Variants in CNTNAP2 observed in about 807,000 individuals in gnomAD.
The protein encoded by CNTNAP2 is contactin-associated protein-like 2.
A neutral mutation model predicts 155.2 loss-of-function variants in CNTNAP2; 98 were observed. The observed-to-expected ratio is 0.63, with a 90% CI of 0.54 to 0.75. The LOEUF (loss-of-function observed/expected upper bound fraction) is 0.75. Among genes scored for constraint, CNTNAP2 ranks in the 30% least tolerant of loss-of-function variants. The probability of loss-of-function intolerance (pLI) is 0.00; values close to 1 mark genes in which losing one functional copy is unlikely to be tolerated. For missense variants in CNTNAP2, 1,727 were observed against 1,688.1 expected (o/e 1.02, Z -0.40); for synonymous variants, 651 against 631.2 (o/e 1.03, Z -0.47).
intron 10 of CNTNAP2, among the ~76,000 whole-genome samples, chr7:147,466,877 C>G (rs1439338309): frequency 6.6e-6 from 1 of 152,164 alleles, no homozygotes; most frequent in Non-Finnish European, 1.5e-5. Flanking sequence ...CAAGATCATG[C>G]CATTGCTCTC....
chr7:147,221,603 A>C (rs1019595132), intron 8 of CNTNAP2, among the ~76,000 whole-genome samples: 1 of 152,194 alleles, frequency 6.6e-6, no homozygotes, highest in African/African-American at 2.4e-5. Context: ...GGCTCTTGTC[A>C]AGGCAGGGTG....
intron 11 of CNTNAP2, among the ~76,000 whole-genome samples, chr7:147,550,065 A>G (rs1200015700): frequency 6.6e-6 from 1 of 152,226 alleles, no homozygotes; most frequent in African/African-American, 2.4e-5. Flanking sequence ...TGAGTACTGC[A>G]GATCCTTAGC....
intron 13 of CNTNAP2, among the ~76,000 whole-genome samples, chr7:147,873,845 A>C (rs750493935): frequency 6.6e-6 from 1 of 152,180 alleles, no homozygotes; most frequent in Non-Finnish European, 1.5e-5. Flanking sequence ...AGATTCAAGG[A>C]GGGTATAGGC....
intron 1 of CNTNAP2, among the ~76,000 whole-genome samples, chr7:146,404,351 C>T (rs7781888): frequency 0.012 from 1,787 of 152,180 alleles, 42 homozygotes; most frequent in African/African-American, 0.041. Flanking sequence ...GGGCCGCAAA[C>T]CATGGCCTGG....
At chr7:148,239,096 A>G (rs1034914140) in intron 20 of CNTNAP2, among the ~76,000 whole-genome samples, 2 of 152,168 alleles carry the variant, frequency 1.3e-5, no homozygotes, top group Non-Finnish European at 2.9e-5. Context: ...TTTAGTTTTT[A>G]TCTACTCTGG....
chr7:148,062,964 T>C (rs1739611971), intron 15 of CNTNAP2, among the ~76,000 whole-genome samples: 2 of 152,018 alleles, frequency 1.3e-5, no homozygotes, highest in Admixed American at 1.3e-4. Context: ...TGGAGATAAT[T>C]ATAGGTAGCA....
rs142174543 is a variant in CNTNAP2, at chr7:146,761,044, T to A, written c.98-13227T>A. 3.2e-3 allele frequency among the ~76,000 whole-genome samples: 483 copies of A among 152,248 alleles called. 5 individuals carry two copies. Among genetic ancestry groups the A allele is most frequent in the African/African-American group, 0.011 (449 of 41,552 alleles). On this transcript the variant is annotated intron_variant, in intron 1 of 23. Coordinates refer to ENST00000361727, the MANE Select transcript of CNTNAP2 (RefSeq NM_014141.6). ...AAACAGGGTCAAATGAATAAGATTA[T>A]TCAGTTTGCCCTCGGCATTCCTTTT...
chr7:147,981,309 A>G (rs1801525332), intron 15 of CNTNAP2, among the ~76,000 whole-genome samples: 1 of 152,220 alleles, frequency 6.6e-6, no homozygotes, highest in African/African-American at 2.4e-5. Context: ...TTTGGGTTTT[A>G]TCCCACCACT....
At chr7:146,661,731 TC>T (rs1348276112) in intron 1 of CNTNAP2, among the ~76,000 whole-genome samples, 8 of 54,414 alleles carry the variant, frequency 1.5e-4, no homozygotes, top group African/African-American at 4.6e-4. Flanking sequence ...TTTCTTTCTT[TC>T]TTTTTTTTTT....
chr7:147,966,626 G>A (rs545943412), intron 14 of CNTNAP2, among the ~76,000 whole-genome samples: 1 of 152,188 alleles, frequency 6.6e-6, no homozygotes, highest in South Asian at 2.1e-4. Flanking sequence ...GGTGACATAA[G>A]AGAAGCCCAA....
At chr7:147,645,561 T>C (rs2041125459) in intron 13 of CNTNAP2, among the ~76,000 whole-genome samples, 1 of 152,188 alleles carries the variant, frequency 6.6e-6, no homozygotes, top group South Asian at 2.1e-4. Context: ...CTCAGACAAC[T>C]AGCATCTGCA....
chr7:146,251,247 CT>C (rs1468433088), intron 1 of CNTNAP2, among the ~76,000 whole-genome samples: 1 of 152,028 alleles, frequency 6.6e-6, no homozygotes, highest in Non-Finnish European at 1.5e-5. Flanking sequence ...GAAACTTTAG[CT>C]TTTAAAAGGT....
intron 1 of CNTNAP2, among the ~76,000 whole-genome samples, chr7:146,357,433 A>G (rs1047285898): frequency 3.3e-5 from 5 of 152,086 alleles, no homozygotes; most frequent in African/African-American, 1.2e-4. Context: ...CATATAATCT[A>G]TAAGATCATA....
At chr7:148,194,786 T>C (rs144635964) in intron 18 of CNTNAP2, among the ~76,000 whole-genome samples, 1 of 152,304 alleles carries the variant, frequency 6.6e-6, no homozygotes, top group Non-Finnish European at 1.5e-5. Context: ...TTCCTTCACC[T>C]TTTTGTTCCA....
At chr7:148,364,931 G>A (rs1268932156) in intron 21 of CNTNAP2, among the ~76,000 whole-genome samples, 4 of 152,182 alleles carry the variant, frequency 2.6e-5, no homozygotes, top group Admixed American at 6.5e-5. Context: ...GCGAAGGTCT[G>A]CAGCTTCACT....
intron 15 of CNTNAP2, among the ~76,000 whole-genome samples, chr7:148,091,021 G>A (rs1400292142): frequency 7.2e-5 from 11 of 152,106 alleles, no homozygotes; most frequent in Admixed American, 5.9e-4. Context: ...TAAAAAAGTT[G>A]AAGTAATTGG....
At chr7:146,364,161 T>A (rs1377130277) in intron 1 of CNTNAP2, among the ~76,000 whole-genome samples, 3 of 152,230 alleles carry the variant, frequency 2.0e-5, no homozygotes, top group Non-Finnish European at 2.9e-5. Context: ...TATTATTTTT[T>A]AAATTTTTAA....
intron 8 of CNTNAP2, among the ~76,000 whole-genome samples, chr7:147,286,995 GA>G (rs904428462): frequency 1.2e-4 from 18 of 151,116 alleles, no homozygotes; most frequent in African/African-American, 3.6e-4. Flanking sequence ...CTTTGTTAAA[GA>G]AAAAAAAATA....
rs534584041 is a variant in CNTNAP2, at chr7:147,414,858, G to C, written c.1670+19078G>C. Among the ~76,000 whole-genome samples the C allele has an allele frequency of 7.6e-5, 11 of 145,688 alleles. No homozygotes were observed. In the South Asian group the frequency reaches 2.4e-3, roughly 32 times the overall value. ...CGGGAGGCTGAGGCAGGAGAATGGC[G>C]TGAACCTTGGGGGGTGGAGCCTGCA... is the stretch of plus-strand genomic sequence containing the variant. On this transcript the variant is annotated intron_variant, in intron 10 of 23. Transcript: ENST00000361727.
Sources: allele counts gnomAD v4.1 joint callset (sites outside exome capture counted in the v4.1 genomes callset), GRCh38; gene constraint gnomAD v4.1.1; transcripts MANE v1.5; gene names NCBI Gene and HGNC (gene_info 2026-07-23, HGNC 2026-07-21).